The following OPCML variants were observed in gnomAD, a reference collection of about 807,000 sequenced individuals.
OPCML encodes the protein opioid binding protein/cell adhesion molecule like.
Under a neutral mutation model 37.8 loss-of-function variants are expected in OPCML, and 13 were observed. That is an observed-to-expected ratio of 0.34 (90% CI 0.22 to 0.55). The LOEUF is 0.55. Among genes scored for constraint, OPCML ranks in the 20% least tolerant of loss-of-function variants. OPCML has a pLI of 0.91. For synonymous variants in OPCML, 176 were observed against 168.8 expected (o/e 1.04, Z -0.33); for missense variants, 341 against 435.6 (o/e 0.78, Z 1.93).
rs1169864519 is a variant in OPCML at position 133,531,103 on chromosome 11, T to A, written c.61+1161A>T. Among the ~76,000 whole-genome samples, 3 of 152,162 alleles carry A rather than the reference T, an allele frequency of 2.0e-5. No individual in the cohort carries two copies. In the East Asian group the frequency reaches 5.8e-4, roughly 29 times the overall value. ...TCTCAATTTGGGGGAAAAAAAGAGA[T>A]CCTGACTGTGCGACGGTTTGGTATG... On this transcript the variant is annotated intron_variant, in intron 1 of 7. Coordinates refer to ENST00000524381, the MANE Select transcript of OPCML (RefSeq NM_001012393.5).
intron 1 of OPCML, among the ~76,000 whole-genome samples, chr11:133,294,793 T>TC (rs200700209): frequency 0.048 from 7,191 of 149,292 alleles, 236 homozygotes; most frequent in Middle Eastern, 0.069. Flanking sequence ...CTTTCTTTTT[T>TC]TTTTTCTTTC....
rs759984757 is a variant in OPCML, at chr11:133,205,489, G to C, written c.62-262479C>G. Among the ~76,000 whole-genome samples, 1 of 152,196 alleles carries C rather than the reference G, an allele frequency of 6.6e-6. No individual in the cohort carries two copies. Among genetic ancestry groups the C allele is most frequent in the East Asian group, 1.9e-4 (1 of 5,168 alleles). Reference sequence around the variant, plus strand: ...CAGCACTGGTCCCAACCCAGGGCTTGCACCTAGCACCTGAAGTGGGAGGCA... The same window carrying C: ...CAGCACTGGTCCCAACCCAGGGCTTCCACCTAGCACCTGAAGTGGGAGGCA... On this transcript the variant is annotated intron_variant, in intron 1 of 7. Transcript: ENST00000524381. This position sits in a 1 kb window ranked among gnomAD's most constrained non-coding sequence, Gnocchi z 4.8.
intron 2 of OPCML, among the ~76,000 whole-genome samples, chr11:132,787,387 C>G (rs1274185667): frequency 1.3e-5 from 2 of 152,116 alleles, no homozygotes; most frequent in African/African-American, 4.8e-5. Context: ...TGTAATAGGC[C>G]CTTTTGGTTT....
At chr11:133,213,365 A>G (rs1245377512) in intron 1 of OPCML, among the ~76,000 whole-genome samples, 2 of 152,108 alleles carry the variant, frequency 1.3e-5, no homozygotes, top group Non-Finnish European at 2.9e-5. Context: ...TTTTTCATAC[A>G]TAACCTCATT....
chr11:133,496,365 C>T (rs186034476), intron 1 of OPCML, among the ~76,000 whole-genome samples: 1 of 152,240 alleles, frequency 6.6e-6, no homozygotes, highest in African/African-American at 2.4e-5. Context: ...CTTGCTTAAT[C>T]TTGCTTTGGC....
intron 2 of OPCML, among the ~76,000 whole-genome samples, chr11:132,916,942 A>G (rs945009465): frequency 1.3e-5 from 2 of 152,048 alleles, no homozygotes; most frequent in Non-Finnish European, 2.9e-5. Context: ...TCCCCTTCCT[A>G]TTTTATTGTA....
At chr11:133,248,774 G>A (rs933839162) in intron 1 of OPCML, among the ~76,000 whole-genome samples, 1 of 152,156 alleles carries the variant, frequency 6.6e-6, no homozygotes, top group East Asian at 1.9e-4. Context: ...GGAGAGCATG[G>A]GCCACAGAAA....
chr11:132,893,647 G>T (rs1255193714), intron 2 of OPCML, among the ~76,000 whole-genome samples: 1 of 152,240 alleles, frequency 6.6e-6, no homozygotes, highest in Non-Finnish European at 1.5e-5. Context: ...TCTTATGAAG[G>T]CTAAAGGTGA....
At chr11:132,693,751 C>T (rs1591738633) in intron 2 of OPCML, among the ~76,000 whole-genome samples, 1 of 152,114 alleles carries the variant, frequency 6.6e-6, no homozygotes, top group African/African-American at 2.4e-5. Flanking sequence ...CCACCTTTTC[C>T]TTCTTGTTAA....
intron 1 of OPCML, among the ~76,000 whole-genome samples, chr11:133,117,415 C>T (rs559914193): frequency 6.6e-6 from 1 of 152,166 alleles, no homozygotes; most frequent in Non-Finnish European, 1.5e-5. Context: ...CTTCTTATAA[C>T]CATGGTCCTA....
chr11:132,604,575 C>T (rs1938149929), intron 3 of OPCML, among the ~76,000 whole-genome samples: 1 of 152,182 alleles, frequency 6.6e-6, no homozygotes, highest in Admixed American at 6.5e-5. Flanking sequence ...CCTGAACATT[C>T]TACCACCAAC....
chr11:133,314,642 T>C (rs73602419), intron 1 of OPCML, among the ~76,000 whole-genome samples: 7,840 of 152,210 alleles, frequency 0.052, 224 homozygotes, highest in Middle Eastern at 0.078. Context: ...CACACACTTA[T>C]TGCTGCAGCC....
chr11:133,216,050 AG>A (rs1939574880), intron 1 of OPCML, among the ~76,000 whole-genome samples: 4 of 152,112 alleles, frequency 2.6e-5, no homozygotes, highest in Admixed American at 2.0e-4. Context: ...GCACACTCAG[AG>A]GGCGCCTTCT....
intron 1 of OPCML, among the ~76,000 whole-genome samples, chr11:132,975,269 G>T (rs530737030): frequency 5.3e-5 from 8 of 151,702 alleles, no homozygotes; most frequent in African/African-American, 1.9e-4. Flanking sequence ...GCAGATAAAA[G>T]AATAACAAAT....
intron 2 of OPCML, 58 bp downstream of exon 2, chr11:132,942,868 C>T (rs946458387): frequency 4.1e-5 from 66 of 1,605,764 alleles, no homozygotes; most frequent in African/African-American, 5.4e-5. Flanking sequence ...CCTCTTCCCT[C>T]CTCTCCCCAG....
Position 132,657,217 on chromosome 11 carries a change from G to A in OPCML, c.249C>T (p.Ile83=). Residue 83 remains isoleucine (I), a synonymous_variant, in exon 3 of 8, where the codon ATC becomes ATT. Transcript: ENST00000524381. ...TGTACTGGGTTGGTGTATTGACCAGGATGATCACACGAGGGTCTATGGACC... is the reference window on the plus strand; with the variant it reads ...TGTACTGGGTTGGTGTATTGACCAGAATGATCACACGAGGGTCTATGGACC... ...DKWSIDPRVI[I]LVNTPTQYSI... The A allele has an allele frequency of 6.2e-7, 1 of 1,614,230 alleles. No individual in the cohort carries two copies. Among genetic ancestry groups the A allele is most frequent in the South Asian group, 1.1e-5 (1 of 91,080 alleles).
At chr11:132,837,152 T>C (rs533298445) in intron 2 of OPCML, among the ~76,000 whole-genome samples, 3 of 152,014 alleles carry the variant, frequency 2.0e-5, no homozygotes, top group East Asian at 3.9e-4. Flanking sequence ...CCGTCTCTAC[T>C]AAAAATACAA....
chr11:133,349,568 T>G (rs1171556354), intron 1 of OPCML, among the ~76,000 whole-genome samples: 3 of 152,258 alleles, frequency 2.0e-5, no homozygotes, highest in Admixed American at 1.3e-4. Flanking sequence ...ACAATAGGAA[T>G]CCCTTCTTCT....
chr11:132,567,744 C>A (rs1466305299), intron 3 of OPCML, among the ~76,000 whole-genome samples: 1 of 152,150 alleles, frequency 6.6e-6, no homozygotes, highest in Non-Finnish European at 1.5e-5. Context: ...GAGGTAGATT[C>A]TATCTGATCT....
Sources: allele counts gnomAD v4.1 joint callset (sites outside exome capture counted in the v4.1 genomes callset), GRCh38; gene constraint gnomAD v4.1.1; non-coding constraint Gnocchi (gnomAD v3.1); transcripts MANE v1.5; gene names NCBI Gene and HGNC (gene_info 2026-07-23, HGNC 2026-07-21).